DPP10: variants seen among roughly 807,000 people sequenced by gnomAD.
DPP10 encodes the protein dipeptidyl peptidase like 10.
In DPP10, 33 loss-of-function variants were observed where a neutral mutation model predicts 120.9. The ratio of observed to expected loss-of-function variants is 0.27; its 90% CI spans 0.21 to 0.37. The LOEUF (loss-of-function observed/expected upper bound fraction) is 0.37. DPP10 is among the 10% of genes least tolerant of loss of function. DPP10 has a pLI of 1.00. For missense variants in DPP10, 816 were observed against 942.8 expected (o/e 0.87, Z 1.76); for synonymous variants, 337 against 326.1 (o/e 1.03, Z -0.36).
At chr2:114,589,039 G>T (rs551522103) in intron 1 of DPP10, among the ~76,000 whole-genome samples, 352 of 114,282 alleles carry the variant, frequency 3.1e-3, no homozygotes, top group Admixed American at 6.3e-3. Flanking sequence ...GGTTTTTTTG[G>T]GGGGGGGGGT....
chr2:114,464,165 T>G (rs13389073), intron 1 of DPP10, among the ~76,000 whole-genome samples: 15,241 of 152,176 alleles, frequency 0.1, 2,524 homozygotes, highest in African/African-American at 0.34. Flanking sequence ...AATTGCAACT[T>G]ATGGGGGATA....
intron 1 of DPP10, among the ~76,000 whole-genome samples, chr2:114,823,664 G>C (rs2106367173): frequency 6.6e-6 from 1 of 152,276 alleles, no homozygotes; most frequent in East Asian, 1.9e-4. Context: ...GAACTGGTAT[G>C]TAACACTTCT....
chr2:114,973,512 A>T (rs1165695608), intron 1 of DPP10, among the ~76,000 whole-genome samples: 2 of 151,654 alleles, frequency 1.3e-5, no homozygotes, highest in African/African-American at 4.8e-5. Flanking sequence ...ATACAAAAAA[A>T]TTAGCCGGGC....
At chr2:114,787,085 AAACTT>A (rs1682829698) in intron 1 of DPP10, among the ~76,000 whole-genome samples, 1 of 152,210 alleles carries the variant, frequency 6.6e-6, no homozygotes, top group Admixed American at 6.5e-5. Flanking sequence ...ATTGGGAAGA[AAACTT>A]AAGAAACAGT....
intron 1 of DPP10, among the ~76,000 whole-genome samples, chr2:115,159,974 T>A (rs921505549): frequency 1.3e-5 from 2 of 152,112 alleles, no homozygotes; most frequent in Non-Finnish European, 2.9e-5. Flanking sequence ...GGAAACACAA[T>A]GAAAGGATGA....
chr2:115,047,412 A>G (rs563025815), intron 1 of DPP10, among the ~76,000 whole-genome samples: 1 of 152,032 alleles, frequency 6.6e-6, no homozygotes, highest in Non-Finnish European at 1.5e-5. Context: ...GATTGAAAAA[A>G]ACAGTGTATT....
intron 3 of DPP10, chr2:115,440,949 G>T (rs1487462543): frequency 2.0e-5 from 3 of 151,952 alleles, no homozygotes; most frequent in African/African-American, 7.3e-5. Context: ...GTCAACTCCT[G>T]GCAGAAGCGG....
At chr2:115,467,180 A>G (rs1289353523) in intron 3 of DPP10, among the ~76,000 whole-genome samples, 1 of 152,180 alleles carries the variant, frequency 6.6e-6, no homozygotes, top group Non-Finnish European at 1.5e-5. Context: ...GAAATGATAA[A>G]TACATGCATG....
At chr2:115,206,465 G>T (rs1004889147) in intron 1 of DPP10, among the ~76,000 whole-genome samples, 2 of 152,140 alleles carry the variant, frequency 1.3e-5, no homozygotes, top group African/African-American at 4.8e-5. Context: ...GAGAAGCACT[G>T]CAATAGAAAA....
At chr2:115,811,126 T>C (rs1166498522) in intron 19 of DPP10, among the ~76,000 whole-genome samples, 1 of 152,234 alleles carries the variant, frequency 6.6e-6, no homozygotes, top group Non-Finnish European at 1.5e-5. Flanking sequence ...CCTGATTTGT[T>C]CCTTATAATG....
At chr2:115,558,145 C>T (rs549061211) in intron 5 of DPP10, among the ~76,000 whole-genome samples, 8 of 152,268 alleles carry the variant, frequency 5.3e-5, no homozygotes, top group African/African-American at 1.9e-4. Flanking sequence ...AAACAACTCC[C>T]AGGAGACACA....
intron 1 of DPP10, among the ~76,000 whole-genome samples, chr2:114,788,020 TATC>T (rs1330635957): frequency 2.0e-5 from 3 of 152,216 alleles, no homozygotes; most frequent in Admixed American, 2.0e-4. Context: ...TAACACATAT[TATC>T]ATGTCATCAT....
intron 12 of DPP10, among the ~76,000 whole-genome samples, chr2:115,766,312 A>T (rs5015184): frequency 1.5e-5 from 1 of 68,440 alleles, no homozygotes; most frequent in Non-Finnish European, 2.5e-5. Context: ...GTGTGTGTGT[A>T]TATATATATA....
intron 9 of DPP10, among the ~76,000 whole-genome samples, chr2:115,745,236 T>C (rs1677802574): frequency 8.6e-6 from 1 of 116,870 alleles, no homozygotes; most frequent in South Asian, 2.8e-4. Context: ...GTATTTCACG[T>C]TGCACTGTTT....
At chr2:114,861,612 C>T (rs1285467708) in intron 1 of DPP10, among the ~76,000 whole-genome samples, 1 of 152,074 alleles carries the variant, frequency 6.6e-6, no homozygotes, top group African/African-American at 2.4e-5. Context: ...ACTCAAAACA[C>T]AGGAAAACAA....
intron 1 of DPP10, among the ~76,000 whole-genome samples, chr2:115,090,148 C>T (rs1361997514): frequency 1.3e-5 from 2 of 150,872 alleles, no homozygotes. Context: ...GTTTTATTTG[C>T]TTATCTATTT....
At chr2:114,544,715 T>C (rs569632687) in intron 1 of DPP10, among the ~76,000 whole-genome samples, 26 of 152,156 alleles carry the variant, frequency 1.7e-4, no homozygotes, top group African/African-American at 6.3e-4. Flanking sequence ...GCTCAATTTA[T>C]TGATTATATT....
chr2:115,402,284 T>G (rs1201913953), intron 3 of DPP10, among the ~76,000 whole-genome samples: 1 of 152,058 alleles, frequency 6.6e-6, no homozygotes, highest in Non-Finnish European at 1.5e-5. Flanking sequence ...CTCATTCCTA[T>G]TTTGTCCCAC....
chr2:115,572,097 C>T (rs1468443212), intron 5 of DPP10, among the ~76,000 whole-genome samples: 2 of 151,986 alleles, frequency 1.3e-5, no homozygotes, highest in Non-Finnish European at 2.9e-5. Flanking sequence ...AAGCATGTAA[C>T]ACCACACCTG....
Sources: gnomAD v4.1 joint callset for allele counts (sites outside exome capture counted in the v4.1 genomes callset) on GRCh38, gnomAD v4.1.1 for gene constraint, MANE v1.5 for transcripts, NCBI Gene and HGNC (gene_info 2026-07-23, HGNC 2026-07-21) for gene names.